Variants in HIVEP1 observed in about 807,000 individuals in gnomAD.
HIVEP1 encodes zinc finger protein 40.
In HIVEP1, 36 loss-of-function variants were observed where a neutral mutation model predicts 180.0. That is an observed-to-expected ratio of 0.20 (90% CI 0.15 to 0.26). The LOEUF is 0.26. HIVEP1 is among the 10% of genes least tolerant of loss of function. The pLI, the probability that HIVEP1 is intolerant of heterozygous loss-of-function variation, is 1.00. For missense variants in HIVEP1, 3,143 were observed against 3,268.7 expected, an observed-to-expected ratio of 0.96 and a Z score of 0.94; for synonymous variants, 1,239 against 1,239.0, an observed-to-expected ratio of 1.00 and a Z score of 0.00.
chr6:12,168,048 C>CATGTAT (rs1436619826), downstream of HIVEP1, among the ~76,000 whole-genome samples: 3 of 22,272 alleles, frequency 1.3e-4, 1 homozygote, highest in African/African-American at 2.5e-4. Context: ...TATACATATA[C>CATGTAT]ATATGTGTAT....
In HIVEP1 at chr6:12,128,454, G is replaced by T. The variant is rs1270962962; in HGVS notation, c.6076-1305G>T. On this transcript the variant is annotated intron_variant, in intron 4 of 8. Transcript: ENST00000379388. ...AGTCATTTCAGCACCACAGCTGTCT[G>T]CTTGACAATGTAATTTCTTAAAGGA... Among the ~76,000 whole-genome samples, 2 of 152,198 alleles carry T rather than the reference G, an allele frequency of 1.3e-5. 1 individual carries two copies. The highest frequency in any genetic ancestry group is 1.3e-4 in the Admixed American group (2 of 15,276).
At chr6:12,166,094 C>T (rs189776118), downstream of HIVEP1, among the ~76,000 whole-genome samples, 1 of 152,320 alleles carries the variant, frequency 6.6e-6, no homozygotes, top group East Asian at 1.9e-4. Context: ...CTGGAAATAT[C>T]TGCTCTAGGG....
At position 12,125,448 on chromosome 6, in the gene HIVEP1, C is replaced by T. The variant is rs185411983; in HGVS notation, c.5653C>T (p.Pro1885Ser). The stretch of plus-strand genomic sequence containing the variant: ...TCCTTCAGAAAATACTCATATTTCT[C>T]CTTTGAAATGTACAGACAATAACCA... The part of the protein sequence containing the change: ...PAPSENTHIS[P>S]LKCTDNNQER... The change falls in exon 4 of 9, where the codon CCT becomes TCT. Residue 1885 changes from proline (P) to serine (S), a missense_variant. Physicochemically the swap from Pro to Ser is moderately conservative, Grantham distance 74. Transcript: ENST00000379388. The T allele has an allele frequency of 1.2e-5, 19 of 1,614,050 alleles. No individual in the cohort carries two copies.
intron 2 of HIVEP1, among the ~76,000 whole-genome samples, chr6:12,056,491 G>A (rs533614757): frequency 4.6e-5 from 7 of 151,984 alleles, no homozygotes; most frequent in African/African-American, 1.4e-4. Flanking sequence ...ATCAATTTTT[G>A]TAAGTTGAAT....
chr6:12,083,015 A>G (rs947711930), intron 2 of HIVEP1, among the ~76,000 whole-genome samples: 1 of 152,172 alleles, frequency 6.6e-6, no homozygotes, highest in Non-Finnish European at 1.5e-5. Flanking sequence ...TTATATTAAG[A>G]TATGTATTCA....
intron 2 of HIVEP1, among the ~76,000 whole-genome samples, chr6:12,080,827 A>G (rs975924427): frequency 6.6e-6 from 1 of 152,178 alleles, no homozygotes; most frequent in East Asian, 1.9e-4. Flanking sequence ...CACCTTTGCT[A>G]TTCCACAGCT....
intron 2 of HIVEP1, among the ~76,000 whole-genome samples, chr6:12,081,399 T>C (rs1362012696): frequency 2.0e-5 from 3 of 152,190 alleles, no homozygotes; most frequent in African/African-American, 7.2e-5. Context: ...CTCCTTTTTC[T>C]TTGTAGACAG....
At chr6:12,182,066 A>G in the HIVEP1 span, among the ~76,000 whole-genome samples, 1 of 152,172 alleles carries the variant, frequency 6.6e-6, no homozygotes, top group Admixed American at 6.5e-5. Context: ...TATTTTCCTA[A>G]GATTTGGAAA....
the HIVEP1 span, among the ~76,000 whole-genome samples, chr6:12,194,865 T>C: frequency 2.6e-5 from 4 of 151,764 alleles, no homozygotes; most frequent in African/African-American, 9.7e-5. Context: ...CAGAATGAGG[T>C]AGAGGAAGCC....
At chr6:12,042,369 C>T (rs1232210506) in intron 2 of HIVEP1, among the ~76,000 whole-genome samples, 1 of 130,806 alleles carries the variant, frequency 7.6e-6, no homozygotes, top group Non-Finnish European at 1.6e-5. Context: ...GCGTGAGCCA[C>T]CGCACCCGGC....
intron 4 of HIVEP1, 148 bp from the exon 5 acceptor site, chr6:12,129,611 G>A (rs1473553457): frequency 1.4e-6 from 1 of 718,708 alleles, no homozygotes; most frequent in African/African-American, 1.7e-5. Flanking sequence ...AGGAGATAAA[G>A]TAAATGCCCT....
chr6:12,106,973 G>A (rs543507532), intron 3 of HIVEP1, among the ~76,000 whole-genome samples: 1 of 152,226 alleles, frequency 6.6e-6, no homozygotes, highest in South Asian at 2.1e-4. Flanking sequence ...AATATTTGGA[G>A]GTTTTTCAGG....
chr6:12,051,630 T>C (rs1366699672), intron 2 of HIVEP1, among the ~76,000 whole-genome samples: 1 of 151,986 alleles, frequency 6.6e-6, no homozygotes, highest in African/African-American at 2.4e-5. Context: ...TAGATACAGG[T>C]ATCTTTACAT....
At chr6:12,099,418 G>A (rs542207743) in intron 3 of HIVEP1, among the ~76,000 whole-genome samples, 15 of 151,972 alleles carry the variant, frequency 9.9e-5, no homozygotes, top group South Asian at 2.1e-4. Context: ...CGCCCGCCTC[G>A]GCCTCCCAAA....
chr6:12,050,158 G>A (rs1241057796), intron 2 of HIVEP1, among the ~76,000 whole-genome samples: 1 of 152,162 alleles, frequency 6.6e-6, no homozygotes, highest in Admixed American at 6.5e-5. Flanking sequence ...GTGGAAACAA[G>A]CCTGTATTAG....
intron 3 of HIVEP1, among the ~76,000 whole-genome samples, chr6:12,099,635 G>A (rs2113385605): frequency 6.6e-6 from 1 of 152,100 alleles, no homozygotes; most frequent in African/African-American, 2.4e-5. Flanking sequence ...CTCTGCCTGG[G>A]GTCTCCTCAC....
upstream of HIVEP1, chr6:12,012,292 C>T (rs1209839330): frequency 6.8e-6 from 1 of 147,552 alleles, no homozygotes; most frequent in Non-Finnish European, 1.5e-5. Context: ...TTTAATATTT[C>T]AGTGCTGGGT....
chr6:12,159,249 G>A (rs768827506), intron 7 of HIVEP1, among the ~76,000 whole-genome samples: 8 of 152,046 alleles, frequency 5.3e-5, no homozygotes, highest in African/African-American at 9.7e-5. Flanking sequence ...TGTGTTTAAC[G>A]TAAACAGGTC....
chr6:12,128,601 C>T (rs1444053245), intron 4 of HIVEP1, among the ~76,000 whole-genome samples: 1 of 152,136 alleles, frequency 6.6e-6, no homozygotes, highest in Non-Finnish European at 1.5e-5. Context: ...ACCCTGAGAG[C>T]GTCCTTCCTC....
Sources: gnomAD v4.1 joint callset for allele counts (sites outside exome capture counted in the v4.1 genomes callset) on GRCh38, gnomAD v4.1.1 for gene constraint, MANE v1.5 for transcripts, NCBI Gene and HGNC (gene_info 2026-07-23, HGNC 2026-07-21) for gene names.